ASPA: variants seen among roughly 807,000 people sequenced by gnomAD.
ASPA encodes the protein ACY-2.
Under a neutral mutation model 29.6 loss-of-function variants are expected in ASPA, and 25 were observed. The ratio of observed to expected loss-of-function variants is 0.85; its 90% CI spans 0.62 to 1.18. ASPA has a LOEUF of 1.18. Ranked by LOEUF, ASPA falls within the 50% of genes most tolerant of loss-of-function variation. The pLI is 0.00. For missense variants in ASPA, 333 were observed against 385.7 expected (o/e 0.86, Z 1.14); for synonymous variants, 131 against 130.3 (o/e 1.01, Z -0.04).
At chr17:3,479,235 T>C (rs887397154) in intron 1 of ASPA, among the ~76,000 whole-genome samples, 1 of 152,192 alleles carries the variant, frequency 6.6e-6, no homozygotes, top group African/African-American at 2.4e-5. Context: ...ACTGCAGGCA[T>C]GAGAACTCAA....
Position 3,502,547 on chromosome 17 carries a change from A to C in ASPA, c.*3459A>C, listed in dbSNP as rs886783680. On this transcript the variant is annotated 3_prime_UTR_variant, in exon 6 of 6. Coordinates refer to ENST00000263080, the MANE Select transcript of ASPA (RefSeq NM_000049.4). ...GTTGCGAAATCCAGAGGAGACTTTT[A>C]AGTGCTGTTTTGTAGATGAAATATG... The C allele has an allele frequency of 1.1e-4, 17 of 152,220 alleles. No individual in the cohort carries two copies. The highest frequency in any genetic ancestry group is 3.6e-4 in the African/African-American group (15 of 41,454). 9.4% of individuals were successfully genotyped at this position (152,220 alleles called of 1,614,324 possible).
intron 5 of ASPA, among the ~76,000 whole-genome samples, chr17:3,498,514 ATTTTTCGTAT>A (rs1429910395): frequency 1.3e-5 from 2 of 151,820 alleles, no homozygotes; most frequent in Non-Finnish European, 2.9e-5. Flanking sequence ...CACCCAGCTA[ATTTTTCGTAT>A]TTTTTCTAGA....
chr17:3,476,307 C>T lies in ASPA; in HGVS notation c.148C>T (p.Pro50Ser), dbSNP rs1404225009. ...EIQRTGLEVK[P>S]FITNPRAVKK... ...TCAGAGAACAGGGCTGGAGGTAAAA[C>T]CATTTATTACTAACCCCAGAGCAGT... Residue 50 changes from proline to serine, a missense_variant, in exon 1 of 6, where the codon CCA becomes TCA. By Grantham distance (74) the Pro-to-Ser change is moderately conservative (BLOSUM62 -1). Coordinates refer to ENST00000263080, the MANE Select transcript of ASPA (RefSeq NM_000049.4). The T allele has an allele frequency of 1.2e-6, 2 of 1,614,126 alleles. No individual in the cohort carries two copies. Among genetic ancestry groups the T allele is most frequent in the African/African-American group, 1.3e-5 (1 of 75,026 alleles).
At position 3,503,118 on chromosome 17, in the gene ASPA, A is replaced by T. The variant is rs975888951; in HGVS notation, c.*4030A>T. On this transcript the variant is annotated 3_prime_UTR_variant, in exon 6 of 6. Transcript: ENST00000263080. ...TCTTAGGCCACAGCAGCCAATAAAGAGTGTTTTTATTCCATGATCTGTACC... is the reference window on the plus strand; with the variant it reads ...TCTTAGGCCACAGCAGCCAATAAAGTGTGTTTTTATTCCATGATCTGTACC... 2.0e-5 allele frequency: 3 copies of T among 152,092 alleles called. No homozygotes were observed. The highest frequency in any genetic ancestry group is 7.2e-5 in the African/African-American group (3 of 41,398). 9.4% of individuals were successfully genotyped at this position (152,092 alleles called of 1,614,324 possible). A position where few individuals can be genotyped will look rare whatever the true frequency, so the allele number is the denominator to read the frequency against.
chr17:3,481,928 G>T (rs1173639002), intron 2 of ASPA, 130 bp downstream of exon 2: 1 of 881,450 alleles, frequency 1.1e-6, no homozygotes, highest in African/African-American at 1.7e-5. Context: ...CCATAGCCAG[G>T]CTTGGTGGTT....
At position 3,490,034 on chromosome 17, in the gene ASPA, G is replaced by C. The variant is rs1394794641; in HGVS notation, c.634+692G>C. Among the ~76,000 whole-genome samples, 2 of 152,176 alleles carry C rather than the reference G, an allele frequency of 1.3e-5. No individual in the cohort carries two copies. Among genetic ancestry groups the C allele is most frequent in the Non-Finnish European group, 2.9e-5 (2 of 68,022 alleles). On this transcript the variant is annotated intron_variant, in intron 4 of 5. Coordinates refer to ENST00000263080, the MANE Select transcript of ASPA (RefSeq NM_000049.4). The surrounding 1 kb of genome is among the most constrained non-coding windows in gnomAD (Gnocchi z 4.6). ...GGTAATTAGCAGAAAGCAAGTTGCA[G>C]ACCAAGACATTCAGTACACCAATTG...
intron 2 of ASPA, 134 bp downstream of exon 2, chr17:3,481,932 G>C: frequency 2.4e-6 from 2 of 820,536 alleles, no homozygotes; most frequent in South Asian, 3.7e-5. Context: ...AGCCAGGCTT[G>C]GTGGTTGGGG....
chr17:3,486,205 A>AT (rs1225330498), intron 3 of ASPA, among the ~76,000 whole-genome samples: 1 of 152,144 alleles, frequency 6.6e-6, no homozygotes, highest in East Asian at 1.9e-4. Flanking sequence ...AAGTGCTGGG[A>AT]TTACAGGCGT....
At chr17:3,496,964 C>G (rs533629730) in intron 5 of ASPA, among the ~76,000 whole-genome samples, 2 of 152,162 alleles carry the variant, frequency 1.3e-5, no homozygotes, top group African/African-American at 2.4e-5. Context: ...TACTCGGGAG[C>G]CTGAGGCAGG....
At position 3,481,612 on chromosome 17, in the gene ASPA, G is replaced by A. The variant is rs2073628727; in HGVS notation, c.246G>A (p.Met82Ile). ...IFDLENLGKK[M>I]SEDLPYEVRR... ...TTTCTGCTTATAACAGCAAAAAAAT[G>A]TCAGAAGATTTGCCATATGAAGTGA... Residue 82 changes from methionine to isoleucine, a missense_variant, in exon 2 of 6, where the codon ATG becomes ATA. Met to Ile is a conservative substitution (Grantham distance 10). Transcript: ENST00000263080. The A allele has an allele frequency of 6.2e-7, 1 of 1,613,252 alleles. No individual in the cohort carries two copies. The highest frequency in any genetic ancestry group is 1.1e-5 in the South Asian group (1 of 90,980).
chr17:3,497,291 C>T (rs959738784), intron 5 of ASPA, among the ~76,000 whole-genome samples: 1 of 152,082 alleles, frequency 6.6e-6, no homozygotes, highest in Non-Finnish European at 1.5e-5. Context: ...GAAAAACCAC[C>T]GGTTCAGAGA....
Position 3,494,393 on chromosome 17 carries a change from A to G in ASPA, c.678A>G (p.Ile226Met). 2 of 1,613,140 alleles carry G rather than the reference A, an allele frequency of 1.2e-6. No individual in the cohort carries two copies. The highest frequency in any genetic ancestry group is 1.7e-6 in the Non-Finnish European group (2 of 1,179,046). The change falls in exon 5 of 6, where the codon ATA (isoleucine) becomes ATG (methionine). Residue 226 changes from isoleucine to methionine, a missense_variant. Transcript: ENST00000263080. ...GCGCCATTGAGGTCTATAAAATTATAGAGAAAGTTGATTACCCCCGGGATG... is the reference window on the plus strand; with the variant it reads ...GCGCCATTGAGGTCTATAAAATTATGGAGAAAGTTGATTACCCCCGGGATG... The part of the protein sequence containing the change: ...PPCAIEVYKI[I>M]EKVDYPRDEN...
chr17:3,477,087 G>A (rs923561620), intron 1 of ASPA, among the ~76,000 whole-genome samples: 1 of 151,940 alleles, frequency 6.6e-6, no homozygotes, highest in African/African-American at 2.4e-5. Flanking sequence ...CCCGGGAGGC[G>A]GAGCTTGCAG....
At chr17:3,480,689 C>G (rs936795938) in intron 1 of ASPA, among the ~76,000 whole-genome samples, 3 of 152,176 alleles carry the variant, frequency 2.0e-5, no homozygotes, top group Admixed American at 6.5e-5. Context: ...ATTTGTTAGT[C>G]CTGCAAAGGC....
intron 4 of ASPA, among the ~76,000 whole-genome samples, chr17:3,493,694 C>G (rs2073863440): frequency 6.6e-6 from 1 of 151,866 alleles, no homozygotes; most frequent in Non-Finnish European, 1.5e-5. Flanking sequence ...TAAGCTAATC[C>G]AATACCTTCA....
Position 3,478,858 on chromosome 17 carries a change from C to T in ASPA, c.236+2463C>T, listed in dbSNP as rs147954792. ...CTGTGAAAATCACCCTAGAACCTTC[C>T]CAGTCCTTTGTCTCCCACGTCTAGT... On this transcript the variant is annotated intron_variant, in intron 1 of 5. Coordinates refer to ENST00000263080, the MANE Select transcript of ASPA (RefSeq NM_000049.4). Among the ~76,000 whole-genome samples the T allele has an allele frequency of 3.6e-3, 550 of 152,310 alleles. 5 individuals carry two copies. The highest frequency in any genetic ancestry group is 0.012 in the African/African-American group (502 of 41,558).
At position 3,480,880 on chromosome 17, in the gene ASPA, T is replaced by C. The variant is rs542537929; in HGVS notation, c.237-723T>C. Among the ~76,000 whole-genome samples, 10 of 152,326 alleles carry C rather than the reference T, an allele frequency of 6.6e-5. No individual in the cohort carries two copies. The South Asian group carries it at 1.4e-3, about 22-fold the overall frequency. Reference sequence around the variant, plus strand: ...GTTAGATCTCTTTCATTGTAATAATTGTCTCAGTTATAATTTTTGCAAAGG... The same window carrying C: ...GTTAGATCTCTTTCATTGTAATAATCGTCTCAGTTATAATTTTTGCAAAGG... On this transcript the variant is annotated intron_variant, in intron 1 of 5. Coordinates refer to ENST00000263080, the MANE Select transcript of ASPA (RefSeq NM_000049.4).
At chr17:3,489,152 A>C (rs567140525) in intron 3 of ASPA, 83 bp from the exon 4 acceptor site, 37 of 862,820 alleles carry the variant, frequency 4.3e-5, no homozygotes, top group Non-Finnish European at 6.2e-5. Context: ...ACATAATTCT[A>C]AATCTTGATA....
intron 4 of ASPA, among the ~76,000 whole-genome samples, chr17:3,491,720 C>A (rs555374514): frequency 6.0e-4 from 91 of 151,986 alleles, no homozygotes; most frequent in African/African-American, 2.1e-3. Context: ...TGCACTCCAG[C>A]CTCGGTGACA....
Sources: gnomAD v4.1 joint callset for allele counts (sites outside exome capture counted in the v4.1 genomes callset) on GRCh38, gnomAD v4.1.1 for gene constraint, Gnocchi (gnomAD v3.1) non-coding constraint, MANE v1.5 for transcripts, NCBI Gene and HGNC (gene_info 2026-07-23, HGNC 2026-07-21) for gene names.